Variants in STPG2 observed in about 807,000 individuals in gnomAD.
STPG2 encodes sperm tail PG-rich repeat containing 2.
In STPG2, 56 loss-of-function variants were observed where a neutral mutation model predicts 54.2. The ratio of observed to expected loss-of-function variants is 1.03; its 90% CI spans 0.83 to 1.29. The LOEUF (loss-of-function observed/expected upper bound fraction) is 1.29. Among genes scored for constraint, STPG2 ranks in the 50% most tolerant of loss-of-function variants. The pLI is 0.00. For missense variants in STPG2, 596 were observed against 544.9 expected (o/e 1.09, Z -0.93); for synonymous variants, 200 against 181.8 (o/e 1.10, Z -0.81).
chr4:97,600,951 A>G (rs1404817163), intron 10 of STPG2, among the ~76,000 whole-genome samples: 2 of 152,096 alleles, frequency 1.3e-5, no homozygotes, highest in Non-Finnish European at 2.9e-5. Flanking sequence ...TTTGGAGGTT[A>G]TTGAAATAAC....
chr4:97,686,554 T>C (rs994799289), intron 10 of STPG2, among the ~76,000 whole-genome samples: 1 of 152,132 alleles, frequency 6.6e-6, no homozygotes, highest in Non-Finnish European at 1.5e-5. Context: ...AATGCCAGCC[T>C]TCCAGAGGCA....
chr4:97,818,531 T>C (rs1024050977), intron 9 of STPG2, among the ~76,000 whole-genome samples: 5 of 152,046 alleles, frequency 3.3e-5, no homozygotes, highest in African/African-American at 1.2e-4. Context: ...ACTGAGGCCA[T>C]AGAAAGTGAA....
chr4:97,615,348 C>T (rs943875509), intron 10 of STPG2, among the ~76,000 whole-genome samples: 7 of 151,812 alleles, frequency 4.6e-5, no homozygotes, highest in Admixed American at 3.9e-4. Flanking sequence ...TTTGAAAACC[C>T]CTCATATGTA....
chr4:97,648,060 C>T (rs547810866), intron 10 of STPG2, among the ~76,000 whole-genome samples: 15 of 152,266 alleles, frequency 9.9e-5, no homozygotes, highest in African/African-American at 3.4e-4. Flanking sequence ...AAAGTCTCCC[C>T]ACTTAAGATA....
chr4:97,872,642 C>T (rs1464259336), intron 8 of STPG2, among the ~76,000 whole-genome samples: 2 of 151,126 alleles, frequency 1.3e-5, no homozygotes, highest in African/African-American at 4.8e-5. Flanking sequence ...GGAAAGATAT[C>T]TTTAATCTGT....
intron 4 of STPG2, among the ~76,000 whole-genome samples, chr4:97,517,699 C>G (rs1401404739): frequency 2.6e-5 from 4 of 151,654 alleles, no homozygotes. Flanking sequence ...AAATATTTTT[C>G]TCTTTAATTA....
intron 7 of STPG2, among the ~76,000 whole-genome samples, chr4:97,951,841 C>A (rs1260678717): frequency 6.6e-6 from 1 of 152,046 alleles, no homozygotes; most frequent in Non-Finnish European, 1.5e-5. Flanking sequence ...AGGGAAGAAA[C>A]TGGTTGTGAT....
At position 97,862,855 on chromosome 4, in the gene STPG2, G is replaced by A. The variant is rs149136660; in HGVS notation, c.1045-21923C>T. On this transcript the variant is annotated intron_variant, in intron 8 of 10. Transcript: ENST00000295268. ...CTGCTCCTGAATGACTACCGCATAC[G>A]TAACGAAATGGAGGCAGAAATAAAG... 1.4e-4 allele frequency among the ~76,000 whole-genome samples: 22 copies of A among 152,150 alleles called. No individual in the cohort carries two copies. The East Asian group carries it at 1.9e-3, about 13-fold the overall frequency.
At chr4:97,538,067 A>G (rs1731582917) in intron 4 of STPG2, among the ~76,000 whole-genome samples, 1 of 152,192 alleles carries the variant, frequency 6.6e-6, no homozygotes, top group Non-Finnish European at 1.5e-5. Context: ...CAAAGACCAA[A>G]GGTAGAAAAA....
chr4:98,001,064 C>T (rs1014892877), intron 5 of STPG2, among the ~76,000 whole-genome samples: 3 of 152,114 alleles, frequency 2.0e-5, no homozygotes, highest in East Asian at 1.9e-4. Context: ...ACTTTGATTC[C>T]GTATTACATC....
intron 5 of STPG2, among the ~76,000 whole-genome samples, chr4:98,016,999 T>C (rs922521446): frequency 3.9e-5 from 6 of 152,192 alleles, no homozygotes; most frequent in Non-Finnish European, 2.9e-5. Context: ...TGCTGAATCC[T>C]TGGTCAGGTT....
chr4:98,084,572 T>C lies in STPG2; in HGVS notation c.612+21381A>G, dbSNP rs556330286. On this transcript the variant is annotated intron_variant, in intron 5 of 10. Coordinates refer to ENST00000295268, the MANE Select transcript of STPG2 (RefSeq NM_174952.3). Reference sequence around the variant, plus strand: ...GTGAGTTTATTATTTTACATTCCCATAAGGGATGTATGAAGAGTTCTAGTT... The same window carrying C: ...GTGAGTTTATTATTTTACATTCCCACAAGGGATGTATGAAGAGTTCTAGTT... Among the ~76,000 whole-genome samples the C allele has an allele frequency of 1.7e-3, 266 of 152,324 alleles. 2 individuals are homozygous for C. The highest frequency in any genetic ancestry group is 6.0e-3 in the African/African-American group (248 of 41,588).
intron 8 of STPG2, chr4:97,917,448 A>G (rs188596665): frequency 6.6e-6 from 1 of 152,364 alleles, no homozygotes; most frequent in Admixed American, 6.5e-5. Context: ...AAATAAGAGA[A>G]CAAATTGAGA....
chr4:97,744,039 G>A (rs900847075), intron 9 of STPG2, among the ~76,000 whole-genome samples: 2 of 151,504 alleles, frequency 1.3e-5, no homozygotes, highest in African/African-American at 2.4e-5. Context: ...TACATAGGTC[G>A]AAGCCTTTGC....
At chr4:97,986,212 C>G (rs562864435) in intron 5 of STPG2, among the ~76,000 whole-genome samples, 1 of 152,326 alleles carries the variant, frequency 6.6e-6, no homozygotes, top group Non-Finnish European at 1.5e-5. Flanking sequence ...CGTCTATAGT[C>G]ACCTGAAGGT....
At chr4:97,822,874 A>G (rs1728131708) in intron 9 of STPG2, among the ~76,000 whole-genome samples, 1 of 152,204 alleles carries the variant, frequency 6.6e-6, no homozygotes, top group Non-Finnish European at 1.5e-5. Context: ...ATCTCTGGAG[A>G]AAGTTTGAGT....
intron 9 of STPG2, among the ~76,000 whole-genome samples, chr4:97,737,648 G>A (rs951643808): frequency 1.3e-5 from 2 of 151,954 alleles, no homozygotes; most frequent in African/African-American, 4.8e-5. Flanking sequence ...AAGCGAGAAG[G>A]GAAGCTTAGA....
rs190844456 is a variant in STPG2, at chr4:98,094,491, G to C, written c.612+11462C>G. Among the ~76,000 whole-genome samples, 433 of 152,280 alleles carry C rather than the reference G, an allele frequency of 2.8e-3. No individual in the cohort carries two copies. In the Middle Eastern group the frequency reaches 0.031, roughly 11 times the overall value. Reference sequence around the variant, plus strand: ...TAAAAAGCAGAGTAAAGGGGACTTTGTCTCGCACCAACTCGACCAGTGGAG... The same window carrying C: ...TAAAAAGCAGAGTAAAGGGGACTTTCTCTCGCACCAACTCGACCAGTGGAG... On this transcript the variant is annotated intron_variant, in intron 5 of 10. Transcript: ENST00000295268.
At chr4:97,570,798 T>C (rs1276270199) in intron 10 of STPG2, among the ~76,000 whole-genome samples, 1 of 152,178 alleles carries the variant, frequency 6.6e-6, no homozygotes, top group African/African-American at 2.4e-5. Context: ...TTATTTTTTA[T>C]TGAAGATGCT....
Sources: allele counts gnomAD v4.1 joint callset (sites outside exome capture counted in the v4.1 genomes callset), GRCh38; gene constraint gnomAD v4.1.1; transcripts MANE v1.5; gene names NCBI Gene and HGNC (gene_info 2026-07-23, HGNC 2026-07-21).